Variants in CALN1 observed in about 807,000 individuals in gnomAD.
CALN1 encodes the protein calneuron 1.
Under a neutral mutation model 30.6 loss-of-function variants are expected in CALN1, and 17 were observed. The observed-to-expected ratio is 0.56, with a 90% CI of 0.38 to 0.83. The LOEUF (loss-of-function observed/expected upper bound fraction) is 0.83, where lower values mean the gene tolerates loss of function less well. CALN1 is among the 40% of genes least tolerant of loss of function. The pLI is 0.00. For synonymous variants in CALN1, 156 were observed against 131.4 expected, an observed-to-expected ratio of 1.19 and a Z score of -1.28; for missense variants, 291 against 354.9, an observed-to-expected ratio of 0.82 and a Z score of 1.45.
chr7:72,223,798 C>T (rs926510724), intron 3 of CALN1, among the ~76,000 whole-genome samples: 3 of 152,128 alleles, frequency 2.0e-5, no homozygotes, highest in Non-Finnish European at 4.4e-5. Context: ...TGCATAGACA[C>T]CATGGAATAC....
rs562925792 is a variant in CALN1, at chr7:72,033,099, G to T, written c.389-9330C>A. On this transcript the variant is annotated intron_variant, in intron 4 of 6. Coordinates refer to ENST00000395275, the MANE Select transcript of CALN1 (RefSeq NM_031468.4). ...CCCTTCTCTAGCTTCCAAATATCAT[G>T]ATCCACTTAGCAAGAAGCACAGAAA... Among the ~76,000 whole-genome samples, 16 of 152,312 alleles carry T rather than the reference G, an allele frequency of 1.1e-4. No individual in the cohort carries two copies. In the South Asian group the frequency reaches 3.3e-3, roughly 32 times the overall value.
In CALN1 at chr7:72,144,630, A is replaced by AT. The variant is rs746349565; in HGVS notation, c.245-38337dup. ...GCTCTGCACCAAACAGACCTAATAGATATCTACAGAACTCTCCACCCAAAA... is the reference window on the plus strand; with the variant it reads ...GCTCTGCACCAAACAGACCTAATAGATTATCTACAGAACTCTCCACCCAAAA... On this transcript the variant is annotated intron_variant, in intron 3 of 6. Transcript: ENST00000395275. Among the ~76,000 whole-genome samples the AT allele has an allele frequency of 2.4e-3, 368 of 152,306 alleles. 3 individuals are homozygous for AT. Among genetic ancestry groups the AT allele is most frequent in the Non-Finnish European group, 1.7e-3 (114 of 68,032 alleles).
At chr7:72,272,503 A>C (rs1797063134) in intron 3 of CALN1, among the ~76,000 whole-genome samples, 1 of 152,192 alleles carries the variant, frequency 6.6e-6, no homozygotes. Context: ...TGGAGGCTGC[A>C]GTGAGCCGAA....
chr7:72,293,521 A>C (rs1278158993), intron 2 of CALN1, among the ~76,000 whole-genome samples: 1 of 152,152 alleles, frequency 6.6e-6, no homozygotes, highest in Non-Finnish European at 1.5e-5. Context: ...TGGCCAAATC[A>C]GTCAGCAGCC....
chr7:72,144,097 A>C (rs1362903354), intron 3 of CALN1, among the ~76,000 whole-genome samples: 1 of 152,178 alleles, frequency 6.6e-6, no homozygotes, highest in Admixed American at 6.5e-5. Flanking sequence ...CTAACATCAT[A>C]ATGACAGGAT....
At chr7:72,122,521 G>C (rs1808467191) in intron 3 of CALN1, among the ~76,000 whole-genome samples, 2 of 152,146 alleles carry the variant, frequency 1.3e-5, no homozygotes, top group African/African-American at 4.8e-5. Flanking sequence ...AGGATGACTT[G>C]AGGCCAGGAG....
At chr7:72,192,505 T>C (rs1245695934) in intron 3 of CALN1, among the ~76,000 whole-genome samples, 2 of 152,094 alleles carry the variant, frequency 1.3e-5, no homozygotes, top group Admixed American at 1.3e-4. Flanking sequence ...GCAGGAAAGT[T>C]ATCACGATGG....
intron 5 of CALN1, among the ~76,000 whole-genome samples, chr7:71,887,325 C>T (rs1021450689): frequency 2.0e-5 from 3 of 152,140 alleles, no homozygotes; most frequent in Admixed American, 6.5e-5. Flanking sequence ...GATGGAGTTT[C>T]GCTCTTGTTG....
chr7:72,337,134 C>G, intron 2 of CALN1: 1 of 985,798 alleles, frequency 1.0e-6, no homozygotes, highest in Non-Finnish European at 1.2e-6. Flanking sequence ...TGGCCGAGGC[C>G]CCGCTGGAGT....
At chr7:71,832,561 C>T (rs1444877720) in intron 5 of CALN1, among the ~76,000 whole-genome samples, 1 of 152,104 alleles carries the variant, frequency 6.6e-6, no homozygotes, top group Non-Finnish European at 1.5e-5. Flanking sequence ...CTCTTAGTTC[C>T]TTCATCATTG....
chr7:72,278,008 C>T (rs10627059), intron 3 of CALN1, among the ~76,000 whole-genome samples: 1 of 49,108 alleles, frequency 2.0e-5, no homozygotes, highest in East Asian at 2.0e-3. Context: ...TCCTCTATTC[C>T]GGGGGGGGGG....
chr7:72,137,650 A>G (rs1397437368), intron 3 of CALN1, among the ~76,000 whole-genome samples: 1 of 152,250 alleles, frequency 6.6e-6, no homozygotes, highest in African/African-American at 2.4e-5. Context: ...ATTTAGCTGT[A>G]AAAGAAATTA....
At chr7:72,466,609 G>A in the CALN1 span, among the ~76,000 whole-genome samples, 1 of 152,124 alleles carries the variant, frequency 6.6e-6, no homozygotes, top group Non-Finnish European at 1.5e-5. Context: ...CCGGAGTGGT[G>A]GTGGGCACTT....
chr7:71,974,745 C>T (rs913018343), intron 5 of CALN1, among the ~76,000 whole-genome samples: 1 of 152,204 alleles, frequency 6.6e-6, no homozygotes, highest in African/African-American at 2.4e-5. Context: ...TTCTTTTCCC[C>T]TGGCCCTGCT....
intron 3 of CALN1, among the ~76,000 whole-genome samples, chr7:72,193,795 T>C (rs978485880): frequency 1.3e-5 from 2 of 152,148 alleles, no homozygotes; most frequent in African/African-American, 4.8e-5. Context: ...AGGAACAAAA[T>C]AGTGGCATTC....
chr7:72,003,837 C>G (rs1799641518), intron 5 of CALN1, among the ~76,000 whole-genome samples: 1 of 152,128 alleles, frequency 6.6e-6, no homozygotes, highest in Non-Finnish European at 1.5e-5. Flanking sequence ...CCGAAACCAT[C>G]CCCCACCTTG....
intron 4 of CALN1, among the ~76,000 whole-genome samples, chr7:72,072,934 A>G (rs1377221993): frequency 6.6e-6 from 1 of 152,232 alleles, no homozygotes; most frequent in Non-Finnish European, 1.5e-5. Context: ...AATAATTTAA[A>G]TATTTCACTA....
At chr7:72,343,037 T>C (rs1802456413) in intron 2 of CALN1, among the ~76,000 whole-genome samples, 1 of 152,182 alleles carries the variant, frequency 6.6e-6, no homozygotes, top group Non-Finnish European at 1.5e-5. Flanking sequence ...GGACAAAATT[T>C]GGTATCTGGA....
At chr7:71,960,192 TA>T (rs140570260) in intron 5 of CALN1, among the ~76,000 whole-genome samples, 10 of 143,880 alleles carry the variant, frequency 7.0e-5, no homozygotes, top group South Asian at 2.2e-4. Flanking sequence ...TAAAATAAAA[TA>T]AAAAAATAAA....
Sources: allele counts gnomAD v4.1 joint callset (sites outside exome capture counted in the v4.1 genomes callset), GRCh38; gene constraint gnomAD v4.1.1; transcripts MANE v1.5; gene names NCBI Gene and HGNC (gene_info 2026-07-23, HGNC 2026-07-21).